Variants in ATRNL1 observed in about 807,000 individuals in gnomAD.
ATRNL1 encodes the protein attractin like 1.
Under a neutral mutation model 182.7 loss-of-function variants are expected in ATRNL1, and 95 were observed. That is an observed-to-expected ratio of 0.52 (90% confidence interval 0.44 to 0.62). ATRNL1 has a LOEUF of 0.62. ATRNL1 is among the 20% of genes least tolerant of loss of function. The probability of loss-of-function intolerance (pLI) is 0.00; values close to 1 mark genes in which losing one functional copy is unlikely to be tolerated. For missense variants in ATRNL1, 1,471 were observed against 1,679.5 expected (o/e 0.88, Z 2.17); for synonymous variants, 576 against 568.3 (o/e 1.01, Z -0.19).
At chr10:115,140,628 T>C (rs1845719196) in intron 5 of ATRNL1, among the ~76,000 whole-genome samples, 1 of 152,222 alleles carries the variant, frequency 6.6e-6, no homozygotes, top group Admixed American at 6.5e-5. Context: ...GTTCCTTTTC[T>C]ATTCCAGAAT....
chr10:115,225,283 C>G (rs1253301759), intron 9 of ATRNL1, among the ~76,000 whole-genome samples: 1 of 151,522 alleles, frequency 6.6e-6, no homozygotes, highest in Non-Finnish European at 1.5e-5. Flanking sequence ...GATAAAACCT[C>G]TGGTGAACTA....
chr10:115,680,571 A>G (rs72641354), intron 26 of ATRNL1, among the ~76,000 whole-genome samples: 3,653 of 152,246 alleles, frequency 0.024, 126 homozygotes, highest in East Asian at 0.19. Flanking sequence ...TGAAAAGTCT[A>G]TGTAAATTAA....
Position 115,847,903 on chromosome 10 carries a change from A to C in ATRNL1, c.3930A>C (p.Glu1310Asp). The change falls in exon 28 of 29, where the codon GAA (glutamate) becomes GAC (aspartate). Residue 1310 changes from glutamate to aspartate, a missense_variant. Physicochemically the swap from Glu to Asp is conservative, Grantham distance 45. Around this residue, in one of 3 missense-constraint regions of ATRNL1, gnomAD observed 437 missense variants for 506.0 expected, o/e 0.86. Coordinates refer to ENST00000355044, the MANE Select transcript of ATRNL1 (RefSeq NM_207303.4). ...GGGCACCCAAGCCAATTGCCATTGA[A>C]CCATGTGCTGGGAACAGAGCTGCTG... ...LEGAPKPIAI[E>D]PCAGNRAAVL... 6.2e-7 allele frequency: 1 copy of C among 1,612,416 alleles called. No individual in the cohort carries two copies. Among genetic ancestry groups the C allele is most frequent in the Non-Finnish European group, 8.5e-7 (1 of 1,178,744 alleles).
At chr10:115,367,980 T>C (rs1462964960) in intron 19 of ATRNL1, among the ~76,000 whole-genome samples, 1 of 151,986 alleles carries the variant, frequency 6.6e-6, no homozygotes, top group Non-Finnish European at 1.5e-5. Flanking sequence ...TTTGTTTGTC[T>C]GTGCCCTGCC....
intron 9 of ATRNL1, among the ~76,000 whole-genome samples, chr10:115,228,770 T>C (rs577978348): frequency 4.7e-5 from 7 of 149,670 alleles, no homozygotes; most frequent in African/African-American, 1.2e-4. Flanking sequence ...TTCTTTCTTT[T>C]TTTTTTTTTT....
chr10:115,740,067 G>A (rs1191839521), intron 27 of ATRNL1, among the ~76,000 whole-genome samples: 12 of 151,620 alleles, frequency 7.9e-5, no homozygotes, highest in African/African-American at 2.9e-4. Flanking sequence ...TGTAAAGCTA[G>A]ATATTTTATG....
intron 26 of ATRNL1, among the ~76,000 whole-genome samples, chr10:115,550,506 A>G (rs1852913039): frequency 6.6e-6 from 1 of 151,872 alleles, no homozygotes; most frequent in South Asian, 2.1e-4. Context: ...GATCAGTACT[A>G]TCTATAATAT....
chr10:115,931,333 G>A (rs1953387942), intron 28 of ATRNL1, among the ~76,000 whole-genome samples: 2 of 152,216 alleles, frequency 1.3e-5, no homozygotes, highest in South Asian at 2.1e-4. Context: ...TACTTCTGCT[G>A]CACTGCACTT....
At chr10:115,694,647 G>A (rs1555049199) in intron 26 of ATRNL1, among the ~76,000 whole-genome samples, 1 of 151,956 alleles carries the variant, frequency 6.6e-6, no homozygotes, top group East Asian at 1.9e-4. Context: ...ATTTTGGAGA[G>A]TACTAAAGCT....
chr10:115,258,443 G>A (rs781808128), intron 10 of ATRNL1, among the ~76,000 whole-genome samples: 3 of 151,970 alleles, frequency 2.0e-5, no homozygotes, highest in Non-Finnish European at 4.4e-5. Context: ...AAGTTCTCCT[G>A]TCATGGTTTT....
intron 20 of ATRNL1, among the ~76,000 whole-genome samples, chr10:115,396,429 G>T (rs1023352621): frequency 7.2e-5 from 11 of 151,870 alleles, no homozygotes; most frequent in African/African-American, 2.7e-4. Flanking sequence ...CAGCACACTT[G>T]GTTTAGTGCT....
At chr10:115,367,644 G>A (rs1490692844) in intron 19 of ATRNL1, among the ~76,000 whole-genome samples, 1 of 146,736 alleles carries the variant, frequency 6.8e-6, no homozygotes, top group Non-Finnish European at 1.5e-5. Context: ...CCCCATCTTT[G>A]TGGTTTTATC....
intron 24 of ATRNL1, among the ~76,000 whole-genome samples, chr10:115,485,819 G>A (rs930198299): frequency 4.0e-5 from 6 of 151,878 alleles, no homozygotes; most frequent in African/African-American, 1.2e-4. Flanking sequence ...AGGTATACAC[G>A]TGCCATGGTG....
At chr10:115,731,714 G>A (rs1947803100) in intron 27 of ATRNL1, among the ~76,000 whole-genome samples, 1 of 150,890 alleles carries the variant, frequency 6.6e-6, no homozygotes, top group Admixed American at 6.6e-5. Flanking sequence ...ATACAGTTAT[G>A]TAACCACCAC....
At chr10:115,431,529 G>T (rs895854416) in intron 21 of ATRNL1, among the ~76,000 whole-genome samples, 1 of 151,802 alleles carries the variant, frequency 6.6e-6, no homozygotes, top group Non-Finnish European at 1.5e-5. Flanking sequence ...GCTACAGTTC[G>T]CATAGGGAAG....
chr10:115,618,655 C>A (rs1250126551), intron 26 of ATRNL1, among the ~76,000 whole-genome samples: 1 of 151,688 alleles, frequency 6.6e-6, no homozygotes. Context: ...TCATTAAATT[C>A]TTCGTTTTCA....
chr10:115,930,449 A>G (rs1953360711), intron 28 of ATRNL1, among the ~76,000 whole-genome samples: 3 of 152,184 alleles, frequency 2.0e-5, no homozygotes, highest in South Asian at 2.1e-4. Context: ...GAAGGGCATC[A>G]TAACTGATAC....
chr10:115,288,986 A>G (rs1250328371), intron 15 of ATRNL1, among the ~76,000 whole-genome samples: 1 of 152,162 alleles, frequency 6.6e-6, no homozygotes, highest in Non-Finnish European at 1.5e-5. Flanking sequence ...GTCTGTTTTC[A>G]TGCTGCTGAT....
intron 19 of ATRNL1, among the ~76,000 whole-genome samples, chr10:115,336,422 A>G (rs566513160): frequency 6.6e-6 from 1 of 152,166 alleles, no homozygotes; most frequent in Non-Finnish European, 1.5e-5. Flanking sequence ...GGTTTTCAAG[A>G]CAAGCTCTTT....
Sources: allele counts gnomAD v4.1 joint callset (sites outside exome capture counted in the v4.1 genomes callset), GRCh38; gene constraint gnomAD v4.1.1; regional missense constraint gnomAD v4.1.1; transcripts MANE v1.5; gene names NCBI Gene and HGNC (gene_info 2026-07-23, HGNC 2026-07-21).